Variants in TFDP1 observed in about 807,000 individuals in gnomAD.
The protein encoded by TFDP1 is DRTF1-polypeptide 1.
TFDP1 carries 6 observed loss-of-function variants against 48.0 expected under a neutral mutation model. The observed-to-expected ratio is 0.13, with a 90% CI of 0.07 to 0.25. The LOEUF (loss-of-function observed/expected upper bound fraction) is 0.25, where lower values mean the gene tolerates loss of function less well. Among genes scored for constraint, TFDP1 ranks in the 10% least tolerant of loss-of-function variants. The probability of loss-of-function intolerance (pLI) is 1.00; values close to 1 mark genes in which losing one functional copy is unlikely to be tolerated. For missense variants in TFDP1, 335 were observed against 543.0 expected (o/e 0.62, Z 3.81); for synonymous variants, 201 against 211.6 (o/e 0.95, Z 0.44).
intron 4 of TFDP1, among the ~76,000 whole-genome samples, chr13:113,624,694 G>C (rs867940519): frequency 4.6e-5 from 6 of 130,636 alleles, no homozygotes; most frequent in South Asian, 2.6e-4. Flanking sequence ...CATGTCCTCA[G>C]GTGTCTCTCA....
intron 2 of TFDP1, among the ~76,000 whole-genome samples, chr13:113,609,804 C>T (rs1273736050): frequency 6.6e-6 from 1 of 152,162 alleles, no homozygotes; most frequent in Non-Finnish European, 1.5e-5. Context: ...CGCTGCCCCC[C>T]AGCCCCACTG....
At chr13:113,624,517 C>T (rs1253995099) in intron 4 of TFDP1, among the ~76,000 whole-genome samples, 4 of 148,890 alleles carry the variant, frequency 2.7e-5, no homozygotes, top group Non-Finnish European at 4.4e-5. Context: ...GGGTGTCTCT[C>T]ACGTGTCCTC....
intron 2 of TFDP1, among the ~76,000 whole-genome samples, chr13:113,605,647 C>G (rs2048545150): frequency 2.0e-5 from 3 of 152,260 alleles, no homozygotes; most frequent in African/African-American, 7.2e-5. Flanking sequence ...GAGGAGCCCT[C>G]AGCACCAGGA....
chr13:113,628,082 A>AAGCCGTGTAAAGACTGTCTGG (rs1344210001), intron 4 of TFDP1, among the ~76,000 whole-genome samples: 4 of 151,760 alleles, frequency 2.6e-5, no homozygotes, highest in African/African-American at 9.7e-5. Context: ...ACTGTGTCTG[A>AAGCCGTGTAAAGACTGTCTGG]AGCCGTGTAA....
At chr13:113,602,226 G>T (rs1566644578) in intron 2 of TFDP1, among the ~76,000 whole-genome samples, 1 of 149,482 alleles carries the variant, frequency 6.7e-6, no homozygotes, top group South Asian at 2.1e-4. Context: ...AGGAGCGGAC[G>T]GAGTTACCTG....
intron 11 of TFDP1, among the ~76,000 whole-genome samples, chr13:113,639,351 C>G (rs138931414): frequency 2.6e-4 from 39 of 152,262 alleles, no homozygotes; most frequent in Non-Finnish European, 4.9e-4. Flanking sequence ...CCATTTCTTA[C>G]GAAATACCGA....
At chr13:113,610,967 A>G (rs1372048655) in intron 2 of TFDP1, 29 bp from the exon 3 acceptor site, 2 of 1,609,962 alleles carry the variant, frequency 1.2e-6, no homozygotes, top group African/African-American at 2.7e-5. Flanking sequence ...TAGCTGTCAT[A>G]TTTATTATTG....
chr13:113,625,094 T>C (rs201882102), intron 4 of TFDP1, among the ~76,000 whole-genome samples: 28 of 114,814 alleles, frequency 2.4e-4, no homozygotes, highest in African/African-American at 4.1e-4. Context: ...GTCTCTCACG[T>C]GTCCTCAGGT....
chr13:113,631,410 C>T (rs1219285744), intron 4 of TFDP1, among the ~76,000 whole-genome samples: 2 of 152,132 alleles, frequency 1.3e-5, no homozygotes, highest in Non-Finnish European at 2.9e-5. Flanking sequence ...CTGTGACTGA[C>T]AAGAGGAAGA....
chr13:113,593,843 C>T (rs2048213034), intron 2 of TFDP1, among the ~76,000 whole-genome samples: 1 of 143,348 alleles, frequency 7.0e-6, no homozygotes, highest in Non-Finnish European at 1.5e-5. Flanking sequence ...GGTCCTCAGC[C>T]CTGCCCAGGT....
chr13:113,599,760 G>A lies in TFDP1; in HGVS notation c.13-11236G>A, dbSNP rs545274610. 4.6e-5 allele frequency among the ~76,000 whole-genome samples: 7 copies of A among 152,124 alleles called. No homozygotes were observed. In the South Asian group the frequency reaches 1.2e-3, roughly 27 times the overall value. On this transcript the variant is annotated intron_variant, in intron 2 of 11. Coordinates refer to ENST00000375370, the MANE Select transcript of TFDP1 (RefSeq NM_007111.5). ...CTCCCGCTTCCACATCCAGGACCGT[G>A]AGAGAGAATCCTTGCACTTAGGGCT...
Position 113,633,675 on chromosome 13 carries a change from G to T in TFDP1, c.475-215G>T, listed in dbSNP as rs1238798223. ...ACCTCACCAGCTGGGCTCGACACCCGAGAGCCCCCGGCTCTCCTTCTGGAA... is the reference window on the plus strand; with the variant it reads ...ACCTCACCAGCTGGGCTCGACACCCTAGAGCCCCCGGCTCTCCTTCTGGAA... On this transcript the variant is annotated intron_variant, in intron 6 of 11. Transcript: ENST00000375370. The surrounding 1 kb of genome is among the most constrained non-coding windows in gnomAD (Gnocchi z 4.5). 3.9e-5 allele frequency among the ~76,000 whole-genome samples: 6 copies of T among 152,108 alleles called. No individual in the cohort carries two copies. The highest frequency in any genetic ancestry group is 1.4e-4 in the African/African-American group (6 of 41,428).
rs1031013671 is a variant in TFDP1 at position 113,596,523 on chromosome 13, C to T, written c.12+10674C>T. 3.9e-5 allele frequency among the ~76,000 whole-genome samples: 6 copies of T among 152,138 alleles called. No homozygotes were observed. In the East Asian group the frequency reaches 5.8e-4, roughly 15 times the overall value. On this transcript the variant is annotated intron_variant, in intron 2 of 11. Coordinates refer to ENST00000375370, the MANE Select transcript of TFDP1 (RefSeq NM_007111.5). ...GACCCTGGGTGTCCCCTCCCCAGCA[C>T]GGCCAGGTTGGGGAGGAGGAGTCAC... is the stretch of plus-strand genomic sequence containing the variant.
At chr13:113,621,784 G>A (rs1406029714) in intron 3 of TFDP1, among the ~76,000 whole-genome samples, 9 of 152,216 alleles carry the variant, frequency 5.9e-5, no homozygotes, top group African/African-American at 1.7e-4. Flanking sequence ...TTAGCAGACC[G>A]GGAAAGGGAG....
At chr13:113,620,579 T>C (rs138872657) in intron 3 of TFDP1, among the ~76,000 whole-genome samples, 131 of 152,404 alleles carry the variant, frequency 8.6e-4, no homozygotes, top group African/African-American at 3.1e-3. Context: ...GTACTTTAAA[T>C]CATTCCCTGC....
intron 9 of TFDP1, 107 bp from the exon 10 acceptor site, chr13:113,636,427 G>A (rs923700059): frequency 1.4e-5 from 18 of 1,277,052 alleles, no homozygotes; most frequent in South Asian, 6.9e-5. Context: ...ACTGGGAACC[G>A]GGAAGCTGTG....
intron 2 of TFDP1, among the ~76,000 whole-genome samples, chr13:113,586,424 G>C (rs559897841): frequency 1.3e-5 from 2 of 152,116 alleles, no homozygotes; most frequent in East Asian, 1.9e-4. Flanking sequence ...CAGTTGTCAT[G>C]AAACTATAGA....
rs1055189955 is a variant in TFDP1, at chr13:113,627,123, C to T, written c.186+3837C>T. Among the ~76,000 whole-genome samples, 1 of 152,106 alleles carries T rather than the reference C, an allele frequency of 6.6e-6. No individual in the cohort carries two copies. The highest frequency in any genetic ancestry group is 2.4e-5 in the African/African-American group (1 of 41,412). On this transcript the variant is annotated intron_variant, in intron 4 of 11. Coordinates refer to ENST00000375370, the MANE Select transcript of TFDP1 (RefSeq NM_007111.5). This position sits in a 1 kb window ranked among gnomAD's most constrained non-coding sequence, Gnocchi z 4.1. The stretch of plus-strand genomic sequence containing the variant: ...AACCTTTTTATATACCAGAGGTTTA[C>T]AAAAAACTGGACTGGCTCATTCTGA...
intron 2 of TFDP1, among the ~76,000 whole-genome samples, chr13:113,608,077 C>G (rs112726919): frequency 6.6e-6 from 1 of 152,166 alleles, no homozygotes; most frequent in Non-Finnish European, 1.5e-5. Context: ...GGGCGGGGCT[C>G]CTCTGTTGGG....
Sources: gnomAD v4.1 joint callset for allele counts (sites outside exome capture counted in the v4.1 genomes callset) on GRCh38, gnomAD v4.1.1 for gene constraint, Gnocchi (gnomAD v3.1) non-coding constraint, MANE v1.5 for transcripts, NCBI Gene and HGNC (gene_info 2026-07-23, HGNC 2026-07-21) for gene names.